Variants in GRIP1 observed in about 807,000 individuals in gnomAD.
GRIP1 encodes glutamate receptor-interacting protein 1.
GRIP1 carries 45 observed loss-of-function variants against 129.9 expected under a neutral mutation model. The ratio of observed to expected loss-of-function variants is 0.35; its 90% confidence interval spans 0.27 to 0.44. The LOEUF is 0.44. Ranked by LOEUF, GRIP1 falls within the 20% of genes least tolerant of loss-of-function variation. The pLI is 1.00. For missense variants in GRIP1, 1,196 were observed against 1,396.8 expected (o/e 0.86, Z 2.29); for synonymous variants, 530 against 520.8 (o/e 1.02, Z -0.24).
In GRIP1 at chr12:66,528,143, T is replaced by TG. The variant is rs1555201196; in HGVS notation, c.502+1687_502+1688insC. ...ACTTTAGAATTAGTAGGTTTTTTTT[T>TG]TTTTTTTTTGAGATGGAGTCTGGCT... On this transcript the variant is annotated intron_variant, in intron 5 of 24. Coordinates refer to ENST00000359742, the MANE Select transcript of GRIP1 (RefSeq NM_001366722.1). 9.7e-4 allele frequency among the ~76,000 whole-genome samples: 121 copies of TG among 124,742 alleles called. 1 individual carries two copies. The highest frequency in any genetic ancestry group is 4.0e-3 in the African/African-American group (118 of 29,338). 81.8% of individuals were successfully genotyped at this position (124,742 alleles called of 152,430 possible). A position where few individuals can be genotyped will look rare whatever the true frequency, so the allele number is the denominator to read the frequency against.
chr12:66,982,557 C>A (rs1387812960), intron 1 of GRIP1, among the ~76,000 whole-genome samples: 1 of 152,182 alleles, frequency 6.6e-6, no homozygotes, highest in African/African-American at 2.4e-5. Context: ...ATGATCTGCC[C>A]TGTGGAAGAG....
rs1003187762 is a variant in GRIP1, at chr12:67,010,400, C to T, written c.58+58650G>A. ...ATTATATACAGCTTCTCCCAAAAGC[C>T]AAAGCAATCTGAATTCACATTTAAA... On this transcript the variant is annotated intron_variant, in intron 1 of 1. Coordinates refer to the GRIP1 transcript ENST00000643019. Among the ~76,000 whole-genome samples, 57 of 151,920 alleles carry T rather than the reference C, an allele frequency of 3.8e-4. 2 individuals are homozygous for T. The highest frequency in any genetic ancestry group is 7.4e-5 in the Non-Finnish European group (5 of 67,992).
chr12:66,363,740 G>C (rs1206241670), intron 23 of GRIP1, among the ~76,000 whole-genome samples: 1 of 152,038 alleles, frequency 6.6e-6, no homozygotes, highest in Non-Finnish European at 1.5e-5. Flanking sequence ...GGCACAGAAA[G>C]AGAAATACTG....
rs139519856 is a variant in GRIP1 at position 66,383,772 on chromosome 12, G to A, written c.2465-4336C>T. On this transcript the variant is annotated intron_variant, in intron 19 of 24. Transcript: ENST00000359742. Reference sequence around the variant, plus strand: ...TCCTTAGTACCAGAATACCAGTTTCGGGGTGAGCAAATTATTGCTCAGACT... The same window carrying A: ...TCCTTAGTACCAGAATACCAGTTTCAGGGTGAGCAAATTATTGCTCAGACT... Among the ~76,000 whole-genome samples the A allele has an allele frequency of 1.8e-3, 274 of 152,282 alleles. 1 individual carries two copies. The Middle Eastern group carries it at 0.027, about 15-fold the overall frequency.
intron 1 of GRIP1, among the ~76,000 whole-genome samples, chr12:66,866,813 G>A (rs1258751519): frequency 6.6e-6 from 1 of 152,066 alleles, no homozygotes; most frequent in African/African-American, 2.4e-5. Flanking sequence ...AGAGTAAGAT[G>A]TAAAGTGTTC....
chr12:66,577,611 T>G (rs2063187007), intron 2 of GRIP1, among the ~76,000 whole-genome samples: 1 of 152,178 alleles, frequency 6.6e-6, no homozygotes, highest in Admixed American at 6.5e-5. Context: ...TGCACTCTGC[T>G]ATGAACACTA....
chr12:66,949,499 A>G (rs2041721541), intron 1 of GRIP1, among the ~76,000 whole-genome samples: 1 of 152,232 alleles, frequency 6.6e-6, no homozygotes, highest in South Asian at 2.1e-4. Flanking sequence ...TAATGGTCAC[A>G]GGAAATAAAT....
At chr12:66,981,260 C>T (rs1444500483) in intron 1 of GRIP1, among the ~76,000 whole-genome samples, 1 of 151,860 alleles carries the variant, frequency 6.6e-6, no homozygotes. Context: ...ATACTTAATG[C>T]TTATTATGAC....
chr12:66,944,981 C>G (rs765531040), intron 1 of GRIP1, among the ~76,000 whole-genome samples: 1 of 152,022 alleles, frequency 6.6e-6, no homozygotes, highest in Non-Finnish European at 1.5e-5. Context: ...TTAGTAGAGA[C>G]AGGGTTTTGT....
At chr12:66,617,926 G>A (rs189328515) in intron 1 of GRIP1, among the ~76,000 whole-genome samples, 1 of 152,024 alleles carries the variant, frequency 6.6e-6, no homozygotes, top group East Asian at 1.9e-4. Flanking sequence ...GTGGGAATAT[G>A]ATCTGATATA....
At chr12:67,003,676 G>C (rs2042584131) in intron 1 of GRIP1, among the ~76,000 whole-genome samples, 1 of 151,938 alleles carries the variant, frequency 6.6e-6, no homozygotes, top group South Asian at 2.1e-4. Context: ...CTGGGAGACA[G>C]AGCGAGATTC....
intron 1 of GRIP1, among the ~76,000 whole-genome samples, chr12:66,859,666 T>C (rs2040077485): frequency 6.6e-6 from 1 of 152,044 alleles, no homozygotes; most frequent in Non-Finnish European, 1.5e-5. Flanking sequence ...AGCAGTATCA[T>C]ATAAGTGTAG....
At chr12:66,809,779 C>T (rs552952977) in intron 1 of GRIP1, among the ~76,000 whole-genome samples, 1 of 152,034 alleles carries the variant, frequency 6.6e-6, no homozygotes, top group Admixed American at 6.5e-5. Context: ...CCCACCTCAG[C>T]CTCCTGAGTA....
At position 66,424,698 on chromosome 12, in the gene GRIP1, T is replaced by C. The variant is rs185526057; in HGVS notation, c.1769-3909A>G. 1.3e-3 allele frequency among the ~76,000 whole-genome samples: 198 copies of C among 152,368 alleles called. 2 individuals are homozygous for C. Among genetic ancestry groups the C allele is most frequent in the African/African-American group, 4.5e-3 (186 of 41,590 alleles). On this transcript the variant is annotated intron_variant, in intron 14 of 24. Transcript: ENST00000359742. ...TAGCATTCCATGATTTCTTTCCTTT[T>C]CTGCAGAATATGTATTTCCTTTAGT...
intron 1 of GRIP1, among the ~76,000 whole-genome samples, chr12:66,977,323 C>A (rs895238084): frequency 3.3e-5 from 5 of 151,464 alleles, no homozygotes; most frequent in African/African-American, 1.2e-4. Flanking sequence ...ATCATAAGCT[C>A]TAGAACTGAC....
At chr12:66,723,206 C>CTTTTCT (rs1409295484) in intron 1 of GRIP1, among the ~76,000 whole-genome samples, 2 of 50,882 alleles carry the variant, frequency 3.9e-5, no homozygotes, top group African/African-American at 2.2e-4. Flanking sequence ...ATCTTCTTTT[C>CTTTTCT]TTTCTTTCTT....
chr12:66,621,032 A>G (rs2139968042), intron 1 of GRIP1, among the ~76,000 whole-genome samples: 1 of 147,758 alleles, frequency 6.8e-6, no homozygotes, highest in East Asian at 2.0e-4. Context: ...AAGTTTTAAC[A>G]TATTTTTGGA....
chr12:66,632,128 G>A (rs1486993725), intron 1 of GRIP1, among the ~76,000 whole-genome samples: 1 of 152,068 alleles, frequency 6.6e-6, no homozygotes, highest in Non-Finnish European at 1.5e-5. Flanking sequence ...AGTCAAGAGT[G>A]GCCCCATTTC....
chr12:66,872,139 TA>T (rs2040306303), intron 1 of GRIP1, among the ~76,000 whole-genome samples: 1 of 152,040 alleles, frequency 6.6e-6, no homozygotes, highest in Non-Finnish European at 1.5e-5. Flanking sequence ...CCAGCTAGGA[TA>T]CATGCACCTG....
Sources: allele counts gnomAD v4.1 joint callset (sites outside exome capture counted in the v4.1 genomes callset), GRCh38; gene constraint gnomAD v4.1.1; transcripts MANE v1.5; gene names NCBI Gene and HGNC (gene_info 2026-07-23, HGNC 2026-07-21).